ADGRL3: variants seen among roughly 807,000 people sequenced by gnomAD.
ADGRL3 encodes adhesion G protein-coupled receptor L3.
A neutral mutation model predicts 153.5 loss-of-function variants in ADGRL3; 62 were observed. The ratio of observed to expected loss-of-function variants is 0.40; its 90% CI spans 0.33 to 0.50. ADGRL3 has a LOEUF of 0.50. Ranked by LOEUF, ADGRL3 falls within the 20% of genes least tolerant of loss-of-function variation. ADGRL3 has a pLI of 0.47. For missense variants in ADGRL3, 1,641 were observed against 1,859.4 expected, an observed-to-expected ratio of 0.88 and a Z score of 2.16; for synonymous variants, 710 against 672.5, an observed-to-expected ratio of 1.06 and a Z score of -0.86.
chr4:61,249,272 A>G (rs1289192097), intron 1 of ADGRL3, among the ~76,000 whole-genome samples: 1 of 152,188 alleles, frequency 6.6e-6, no homozygotes, highest in African/African-American at 2.4e-5. Context: ...CATAAGGATT[A>G]ACTGTGTCCA....
At chr4:61,292,807 TC>T (rs1271788446) in intron 1 of ADGRL3, among the ~76,000 whole-genome samples, 6 of 152,150 alleles carry the variant, frequency 3.9e-5, no homozygotes, top group Non-Finnish European at 7.4e-5. Context: ...ATGCCTATTC[TC>T]AAAATGTTCC....
Position 61,506,866 on chromosome 4 carries a change from G to C in ADGRL3, c.55+9518G>C, listed in dbSNP as rs184290804. ...GACTTTAAAACAGATTGATTTTGTT[G>C]TTGTGTTGGAGAATAACAGATGATG... On this transcript the variant is annotated intron_variant, in intron 3 of 26. Transcript: ENST00000683033. Among the ~76,000 whole-genome samples the C allele has an allele frequency of 1.1e-3, 172 of 152,136 alleles. 4 individuals carry two copies. The East Asian group carries it at 0.02, about 17-fold the overall frequency.
chr4:61,610,491 G>A lies in ADGRL3; in HGVS notation c.473+23051G>A, dbSNP rs556454910. On this transcript the variant is annotated intron_variant, in intron 5 of 26. Coordinates refer to ENST00000683033, the MANE Select transcript of ADGRL3 (RefSeq NM_001387552.1). The stretch of plus-strand genomic sequence containing the variant: ...AGGAAAAATATTTCCAATCTTTCTT[G>A]GTGAAATACAACTTAACCTTTCATA... Among the ~76,000 whole-genome samples the A allele has an allele frequency of 7.2e-5, 11 of 152,170 alleles. 1 individual carries two copies. Among genetic ancestry groups the A allele is most frequent in the African/African-American group, 2.6e-4 (11 of 41,536 alleles).
chr4:61,310,735 T>TTG (rs2150520739), intron 1 of ADGRL3, among the ~76,000 whole-genome samples: 1 of 151,456 alleles, frequency 6.6e-6, no homozygotes, highest in Admixed American at 6.6e-5. Flanking sequence ...AAGATCAGTT[T>TTG]TTTTTTTTTT....
intron 4 of ADGRL3, among the ~76,000 whole-genome samples, chr4:61,577,958 G>T (rs1476701111): frequency 6.6e-6 from 1 of 151,964 alleles, no homozygotes; most frequent in African/African-American, 2.4e-5. Flanking sequence ...AGTTAGTAAA[G>T]AATTCTTAAA....
chr4:61,463,137 T>G (rs956244522), intron 2 of ADGRL3, among the ~76,000 whole-genome samples: 1 of 152,188 alleles, frequency 6.6e-6, no homozygotes, highest in African/African-American at 2.4e-5. Flanking sequence ...GTGTGTGTAA[T>G]GACCTGCAAT....
chr4:62,045,520 A>G (rs1481437893), intron 25 of ADGRL3, among the ~76,000 whole-genome samples: 1 of 151,982 alleles, frequency 6.6e-6, no homozygotes, highest in African/African-American at 2.4e-5. Context: ...TATGCTACTT[A>G]GGAAGAAATA....
At chr4:61,568,951 A>T (rs2098827522) in intron 4 of ADGRL3, among the ~76,000 whole-genome samples, 1 of 152,268 alleles carries the variant, frequency 6.6e-6, no homozygotes, top group South Asian at 2.1e-4. Context: ...TGCATAATGA[A>T]GTCAGTTTAA....
chr4:61,762,927 A>C (rs1018262243), intron 8 of ADGRL3, among the ~76,000 whole-genome samples: 1 of 152,040 alleles, frequency 6.6e-6, no homozygotes, highest in Non-Finnish European at 1.5e-5. Flanking sequence ...TTTCCTACAA[A>C]CCCTCTACAT....
intron 9 of ADGRL3, among the ~76,000 whole-genome samples, chr4:61,824,233 A>G (rs920184901): frequency 2.0e-5 from 3 of 152,150 alleles, no homozygotes; most frequent in African/African-American, 2.4e-5. Context: ...ACCAAGTGAC[A>G]AATAATTTTT....
chr4:61,984,579 C>T (rs1045006379), intron 19 of ADGRL3, among the ~76,000 whole-genome samples: 5 of 152,138 alleles, frequency 3.3e-5, no homozygotes, highest in African/African-American at 1.2e-4. Flanking sequence ...AGAAGCAAAA[C>T]AAAACTAAAA....
chr4:61,504,771 T>C (rs182778005), intron 3 of ADGRL3, among the ~76,000 whole-genome samples: 1 of 152,316 alleles, frequency 6.6e-6, no homozygotes, highest in East Asian at 1.9e-4. Flanking sequence ...TGTCTTTCTA[T>C]GTTTGGCTTA....
At chr4:62,007,454 A>G (rs1380574824) in intron 21 of ADGRL3, among the ~76,000 whole-genome samples, 8 of 133,292 alleles carry the variant, frequency 6.0e-5, no homozygotes, top group South Asian at 2.3e-4. Context: ...ACACATATAT[A>G]TACATATATG....
At chr4:61,464,373 T>TGAGTTTC (rs2097856462) in intron 2 of ADGRL3, among the ~76,000 whole-genome samples, 1 of 152,210 alleles carries the variant, frequency 6.6e-6, no homozygotes. Flanking sequence ...ATGTCTGTCT[T>TGAGTTTC]AAGAATGTAA....
intron 6 of ADGRL3, among the ~76,000 whole-genome samples, chr4:61,679,641 TTTACAAGATCCTCC>T (rs2150953569): frequency 6.6e-6 from 1 of 152,160 alleles, no homozygotes. Context: ...CTATTTAATT[TTTACAAGATCCTCC>T]TTGTTATGTG....
chr4:61,754,555 TTGTAACCACCCAA>T (rs1255898038), intron 8 of ADGRL3, among the ~76,000 whole-genome samples: 2 of 151,954 alleles, frequency 1.3e-5, no homozygotes, highest in Admixed American at 1.3e-4. Context: ...TTATGCTTGA[TTGTAACCACCCAA>T]TGGGTTCACC....
intron 9 of ADGRL3, among the ~76,000 whole-genome samples, chr4:61,850,609 G>C (rs905264165): frequency 1.3e-5 from 2 of 152,070 alleles, no homozygotes; most frequent in Non-Finnish European, 2.9e-5. Context: ...CATATAAAAC[G>C]ACAGCATAAA....
intron 4 of ADGRL3, among the ~76,000 whole-genome samples, chr4:61,550,941 A>G (rs554443276): frequency 6.6e-6 from 1 of 152,182 alleles, no homozygotes; most frequent in African/African-American, 2.4e-5. Context: ...CACTACTTAG[A>G]TTATAAGTTA....
At chr4:61,352,541 C>T (rs1045935877) in intron 1 of ADGRL3, among the ~76,000 whole-genome samples, 1 of 151,914 alleles carries the variant, frequency 6.6e-6, no homozygotes, top group African/African-American at 2.4e-5. Context: ...CGCAACACCA[C>T]CCCTGGCTAA....
Sources: allele counts gnomAD v4.1 joint callset (sites outside exome capture counted in the v4.1 genomes callset), GRCh38; gene constraint gnomAD v4.1.1; transcripts MANE v1.5; gene names NCBI Gene and HGNC (gene_info 2026-07-23, HGNC 2026-07-21).